RARB: variants seen among roughly 807,000 people sequenced by gnomAD.
RARB encodes retinoic acid receptor beta.
Under a neutral mutation model 51.9 loss-of-function variants are expected in RARB, and 17 were observed. That is an observed-to-expected ratio of 0.33 (90% CI 0.22 to 0.49). The LOEUF is 0.49. RARB is among the 20% of genes least tolerant of loss of function. RARB has a pLI of 0.99. For missense variants in RARB, 369 were observed against 550.8 expected, an observed-to-expected ratio of 0.67 and a Z score of 3.30; for synonymous variants, 215 against 195.4, an observed-to-expected ratio of 1.10 and a Z score of -0.84.
intron 5 of RARB, among the ~76,000 whole-genome samples, chr3:25,316,806 A>G (rs1246296485): frequency 6.6e-6 from 1 of 152,214 alleles, no homozygotes; most frequent in Admixed American, 6.5e-5. Flanking sequence ...CATTGGAGAC[A>G]TTTTAATAAA....
At chr3:25,014,983 T>C (rs1440077790) in intron 2 of RARB, among the ~76,000 whole-genome samples, 1 of 152,212 alleles carries the variant, frequency 6.6e-6, no homozygotes, top group Admixed American at 6.6e-5. Context: ...TGTATTTCTT[T>C]AACTGTGACA....
chr3:25,188,719 T>A (rs1167771423), intron 5 of RARB, among the ~76,000 whole-genome samples: 1 of 150,680 alleles, frequency 6.6e-6, no homozygotes, highest in South Asian at 2.1e-4. Flanking sequence ...ACCATTTGTG[T>A]GAGAAACTAT....
intron 5 of RARB, among the ~76,000 whole-genome samples, chr3:25,247,240 G>T (rs115746660): frequency 2.2e-3 from 336 of 152,332 alleles, no homozygotes; most frequent in Middle Eastern, 0.014. Flanking sequence ...AAGCCAGTGG[G>T]TCTTAGCTTG....
chr3:25,197,773 TGAA>T (rs1336628376), intron 5 of RARB, among the ~76,000 whole-genome samples: 1 of 151,828 alleles, frequency 6.6e-6, no homozygotes, highest in Non-Finnish European at 1.5e-5. Flanking sequence ...TGTAATAAGT[TGAA>T]GAAGACACAA....
chr3:25,242,734 A>G (rs1656859), intron 5 of RARB, among the ~76,000 whole-genome samples: 80,874 of 151,938 alleles, frequency 0.53, 22,620 homozygotes, highest in African/African-American at 0.71. Context: ...TTTGAAGTGA[A>G]GTAGCATGAT....
At chr3:24,852,760 A>G (rs1281452960) in intron 1 of RARB, among the ~76,000 whole-genome samples, 1 of 152,210 alleles carries the variant, frequency 6.6e-6, no homozygotes, top group Non-Finnish European at 1.5e-5. Context: ...ACGACAACAA[A>G]TAGTGTGATT....
chr3:25,012,366 T>A (rs146841401), intron 2 of RARB, among the ~76,000 whole-genome samples: 1 of 152,212 alleles, frequency 6.6e-6, no homozygotes, highest in African/African-American at 2.4e-5. Context: ...TAGAACGCTA[T>A]CCCCAGATGT....
At chr3:25,333,052 C>A (rs976341383) in intron 5 of RARB, among the ~76,000 whole-genome samples, 1 of 152,164 alleles carries the variant, frequency 6.6e-6, no homozygotes, top group Non-Finnish European at 1.5e-5. Context: ...GAAGAACACT[C>A]CATGCTCATG....
intron 5 of RARB, among the ~76,000 whole-genome samples, chr3:25,222,809 A>G (rs1701975763): frequency 6.6e-6 from 1 of 152,132 alleles, no homozygotes; most frequent in African/African-American, 2.4e-5. Context: ...TTTTATTCTC[A>G]CCTTCTGACA....
intron 2 of RARB, among the ~76,000 whole-genome samples, chr3:25,007,058 A>C (rs1025860267): frequency 2.6e-5 from 4 of 152,178 alleles, no homozygotes; most frequent in African/African-American, 9.6e-5. Flanking sequence ...AGAAACTTGA[A>C]AACTGTGATT....
intron 4 of RARB, among the ~76,000 whole-genome samples, chr3:25,136,025 T>G (rs7653318): frequency 0.57 from 86,693 of 151,658 alleles, 25,049 homozygotes; most frequent in East Asian, 0.7. Context: ...ATTCACATGT[T>G]GAACAATTCC....
chr3:25,572,383 C>T (rs1403796079), intron 4 of RARB, among the ~76,000 whole-genome samples: 1 of 152,110 alleles, frequency 6.6e-6, no homozygotes, highest in African/African-American at 2.4e-5. Flanking sequence ...TATACTAATT[C>T]TTTTATTCCT....
chr3:24,905,117 C>A (rs185376955), intron 2 of RARB, among the ~76,000 whole-genome samples: 2 of 152,124 alleles, frequency 1.3e-5, no homozygotes, highest in Admixed American at 1.3e-4. Context: ...CACATGTATC[C>A]CAGAACTTAA....
intron 3 of RARB, among the ~76,000 whole-genome samples, chr3:25,107,340 G>C (rs1018569965): frequency 4.6e-5 from 7 of 152,266 alleles, no homozygotes; most frequent in Non-Finnish European, 8.8e-5. Context: ...AGACTCATTT[G>C]TGCCTTGTGT....
chr3:25,344,350 A>G (rs1705323665), intron 5 of RARB, among the ~76,000 whole-genome samples: 1 of 152,220 alleles, frequency 6.6e-6, no homozygotes, highest in Admixed American at 6.5e-5. Context: ...TTTCATACTA[A>G]CAAATTAAGA....
At chr3:24,928,527 T>C (rs116111357) in intron 2 of RARB, among the ~76,000 whole-genome samples, 3 of 152,044 alleles carry the variant, frequency 2.0e-5, no homozygotes, top group Non-Finnish European at 1.5e-5. Flanking sequence ...TGATTGATTA[T>C]TCCTTTTTGT....
At chr3:24,958,272 T>TTTTTTTTTG (rs1696065526) in intron 2 of RARB, among the ~76,000 whole-genome samples, 1 of 140,316 alleles carries the variant, frequency 7.1e-6, no homozygotes, top group Non-Finnish European at 1.5e-5. Flanking sequence ...TTTTTTTTTT[T>TTTTTTTTTG]TTTTTTTTTT....
At chr3:25,460,768 C>T (rs1215643811) in intron 1 of RARB, among the ~76,000 whole-genome samples, 1 of 152,118 alleles carries the variant, frequency 6.6e-6, no homozygotes, top group Non-Finnish European at 1.5e-5. Context: ...AAGTGAGCAA[C>T]AAGGTCAAGT....
At chr3:25,364,655 C>T (rs1487009698) in intron 5 of RARB, among the ~76,000 whole-genome samples, 2 of 152,186 alleles carry the variant, frequency 1.3e-5, no homozygotes. Context: ...TGGGCTGTAT[C>T]GGAGAGGGCC....
Sources: allele counts gnomAD v4.1 joint callset (sites outside exome capture counted in the v4.1 genomes callset), GRCh38; gene constraint gnomAD v4.1.1; transcripts MANE v1.5; gene names NCBI Gene and HGNC (gene_info 2026-07-23, HGNC 2026-07-21).